The following ADAM18 variants were observed in gnomAD, a reference collection of about 807,000 sequenced individuals.
ADAM18 encodes disintegrin and metalloproteinase domain-containing protein 18.
Under a neutral mutation model 94.4 loss-of-function variants are expected in ADAM18, and 117 were observed. The ratio of observed to expected loss-of-function variants is 1.24; its 90% CI spans 1.07 to 1.45. The LOEUF is 1.45. ADAM18 is among the 40% of genes most tolerant of loss of function. The pLI is 0.00. For synonymous variants in ADAM18, 327 were observed against 291.6 expected (o/e 1.12, Z -1.24); for missense variants, 936 against 880.0 (o/e 1.06, Z -0.81).
At chr8:39,652,577 C>A (rs1820566876) in intron 12 of ADAM18, among the ~76,000 whole-genome samples, 1 of 152,088 alleles carries the variant, frequency 6.6e-6, no homozygotes, top group South Asian at 2.1e-4. Context: ...TAAAGGAAAC[C>A]TTTGCACACT....
At chr8:39,631,283 A>G (rs1406852682) in intron 7 of ADAM18, among the ~76,000 whole-genome samples, 2 of 151,926 alleles carry the variant, frequency 1.3e-5, no homozygotes, top group East Asian at 3.8e-4. Flanking sequence ...TTCCAAGGAC[A>G]TAATTTTACT....
At chr8:39,698,493 C>G (rs1233732938) in intron 17 of ADAM18, among the ~76,000 whole-genome samples, 1 of 151,864 alleles carries the variant, frequency 6.6e-6, no homozygotes. Context: ...ACTGGAGACC[C>G]TTTTGGTGAA....
Position 39,633,509 on chromosome 8 carries a change from G to A in ADAM18, c.589-3755G>A, listed in dbSNP as rs116385400. ...GCTGGTAGAAATATGGACAGTAAAG[G>A]CTGTTCTTATGAGAGCTCAGATGGA... On this transcript the variant is annotated intron_variant, in intron 7 of 19. Coordinates refer to ENST00000265707, the MANE Select transcript of ADAM18 (RefSeq NM_014237.3). Among the ~76,000 whole-genome samples the A allele has an allele frequency of 7.6e-3, 1,151 of 152,226 alleles. 11 individuals carry two copies. Among genetic ancestry groups the A allele is most frequent in the African/African-American group, 0.026 (1,098 of 41,534 alleles).
At chr8:39,638,382 T>C in intron 9 of ADAM18, 83 bp from the exon 10 acceptor site, 1 of 901,520 alleles carries the variant, frequency 1.1e-6, no homozygotes, top group Non-Finnish European at 1.6e-6. Context: ...TTTTAAAATT[T>C]TATGTGAAGA....
chr8:39,699,464 T>C (rs1223480776), intron 17 of ADAM18, among the ~76,000 whole-genome samples: 1 of 152,120 alleles, frequency 6.6e-6, no homozygotes, highest in Non-Finnish European at 1.5e-5. Context: ...GATATTTTAA[T>C]TTTTAGGATA....
intron 14 of ADAM18, among the ~76,000 whole-genome samples, chr8:39,672,221 C>A (rs1350338272): frequency 6.6e-6 from 1 of 152,076 alleles, no homozygotes; most frequent in Non-Finnish European, 1.5e-5. Context: ...AACAGGAAAG[C>A]CCAAGGCCAT....
At position 39,584,569 on chromosome 8, in the gene ADAM18, A is replaced by T. The variant is rs1486150522; in HGVS notation, c.-54A>T. 21 of 1,602,574 alleles carry T rather than the reference A, an allele frequency of 1.3e-5. No homozygotes were observed. In the South Asian group the frequency reaches 2.2e-4, roughly 17 times the overall value. ...GGCCGAGAGCCTGCCCGCGAGCTCA[A>T]CGCTGCTCAACGGTCTCTGTCCTTG... On this transcript the variant is annotated 5_prime_UTR_variant, in exon 1 of 20. Transcript: ENST00000265707.
intron 12 of ADAM18, among the ~76,000 whole-genome samples, chr8:39,658,845 GC>G (rs1223741877): frequency 6.6e-6 from 1 of 152,118 alleles, no homozygotes; most frequent in Admixed American, 6.5e-5. Flanking sequence ...TACCGTACAT[GC>G]CCCTCTTCAT....
chr8:39,727,667 C>T (rs1354647086), intron 19 of ADAM18, among the ~76,000 whole-genome samples: 1 of 152,184 alleles, frequency 6.6e-6, no homozygotes, highest in Non-Finnish European at 1.5e-5. Flanking sequence ...ACTTAACTAT[C>T]CATATCACTG....
intron 18 of ADAM18, among the ~76,000 whole-genome samples, chr8:39,717,369 A>G (rs573249844): frequency 6.6e-6 from 1 of 151,972 alleles, no homozygotes; most frequent in African/African-American, 2.4e-5. Flanking sequence ...ACTCATCACC[A>G]TTACAGCAAC....
At chr8:39,661,319 ATTTTTTTTTTTT>A (rs71518171) in intron 12 of ADAM18, among the ~76,000 whole-genome samples, 77,607 of 113,756 alleles carry the variant, frequency 0.68, 25,797 homozygotes, top group Middle Eastern at 0.77. Context: ...CACCCGGCAA[ATTTTTTTTTTTT>A]TTTTTTTTTT....
chr8:39,727,864 AT>A (rs1822961342), intron 19 of ADAM18, among the ~76,000 whole-genome samples: 1 of 152,136 alleles, frequency 6.6e-6, no homozygotes, highest in Non-Finnish European at 1.5e-5. Context: ...ATGTTAGGCC[AT>A]TCTTGCATTG....
chr8:39,727,508 T>C lies in ADAM18; in HGVS notation c.2178-2390T>C, dbSNP rs575101239. 5.3e-5 allele frequency among the ~76,000 whole-genome samples: 8 copies of C among 152,312 alleles called. No homozygotes were observed. The East Asian group carries it at 1.5e-3, about 29-fold the overall frequency. ...GCTTAGAAATTTTCTCTGCCAGATA[T>C]CCTATATGGTCATCTTTAGTTCAAG... is the stretch of plus-strand genomic sequence containing the variant. On this transcript the variant is annotated intron_variant, in intron 19 of 19. Coordinates refer to ENST00000265707, the MANE Select transcript of ADAM18 (RefSeq NM_014237.3).
intron 12 of ADAM18, among the ~76,000 whole-genome samples, chr8:39,651,897 A>G (rs1394674216): frequency 6.6e-6 from 1 of 151,924 alleles, no homozygotes; most frequent in African/African-American, 2.4e-5. Context: ...AATGACATAA[A>G]AACACATAGA....
chr8:39,694,524 C>T lies in ADAM18; in HGVS notation c.1902+1844C>T, dbSNP rs372302670. Among the ~76,000 whole-genome samples, 237 of 151,370 alleles carry T rather than the reference C, an allele frequency of 1.6e-3. 1 individual carries two copies. The highest frequency in any genetic ancestry group is 2.3e-3 in the Non-Finnish European group (158 of 67,440). ...TGATAGTTTTATATCTTGTACTTTA[C>T]GTTTCTGATTTTGTATCAAGGTTAT... On this transcript the variant is annotated intron_variant, in intron 17 of 19. Transcript: ENST00000265707.
chr8:39,695,140 A>G (rs1192660913), intron 17 of ADAM18, among the ~76,000 whole-genome samples: 2 of 151,530 alleles, frequency 1.3e-5, no homozygotes, highest in Non-Finnish European at 3.0e-5. Flanking sequence ...TTAAAGGACA[A>G]TGTGGGTTTT....
chr8:39,668,842 A>G (rs932836582), intron 14 of ADAM18, among the ~76,000 whole-genome samples: 2 of 152,178 alleles, frequency 1.3e-5, no homozygotes, highest in Non-Finnish European at 2.9e-5. Context: ...CTAGTTGAGT[A>G]AAGGTGGTTT....
intron 6 of ADAM18, among the ~76,000 whole-genome samples, chr8:39,628,218 C>A (rs556803277): frequency 6.6e-6 from 1 of 151,590 alleles, no homozygotes; most frequent in Non-Finnish European, 1.5e-5. Context: ...AAAAAACACA[C>A]CAATAATGAA....
intron 12 of ADAM18, among the ~76,000 whole-genome samples, chr8:39,653,208 C>A (rs1374030379): frequency 2.0e-5 from 3 of 152,032 alleles, no homozygotes; most frequent in African/African-American, 7.3e-5. Context: ...TGTTAATTAG[C>A]TTGATTTAGC....
Sources: gnomAD v4.1 joint callset for allele counts (sites outside exome capture counted in the v4.1 genomes callset) on GRCh38, gnomAD v4.1.1 for gene constraint, MANE v1.5 for transcripts, NCBI Gene and HGNC (gene_info 2026-07-23, HGNC 2026-07-21) for gene names.